The following MRC1 variants were observed in gnomAD, a reference collection of about 807,000 sequenced individuals.
MRC1 encodes the protein mannose receptor C-type 1.
In MRC1, 62 loss-of-function variants were observed where a neutral mutation model predicts 102.9. That is an observed-to-expected ratio of 0.60 (90% confidence interval 0.49 to 0.74). The LOEUF (loss-of-function observed/expected upper bound fraction) is 0.74, where lower values mean the gene tolerates loss of function less well. Ranked by LOEUF, MRC1 falls within the 30% of genes least tolerant of loss-of-function variation. The pLI is 0.00. For missense variants in MRC1, 1,237 were observed against 862.8 expected, an observed-to-expected ratio of 1.43 and a Z score of -5.43; for synonymous variants, 457 against 298.4, an observed-to-expected ratio of 1.53 and a Z score of -5.48.
intron 28 of MRC1, 22 bp from the exon 29 acceptor site, chr10:17,909,284 A>ATT (rs546931770): frequency 9.1e-4 from 686 of 753,926 alleles, no homozygotes; most frequent in Middle Eastern, 1.2e-3. Flanking sequence ...GTTTTTATAA[A>ATT]TTTTTTTTTT....
In MRC1 at chr10:17,887,832, C is replaced by T. The variant is rs529447574; in HGVS notation, c.3147+2397C>T. 9.1e-3 allele frequency among the ~76,000 whole-genome samples: 1,379 copies of T among 152,222 alleles called. 25 individuals carry two copies. Among genetic ancestry groups the T allele is most frequent in the African/African-American group, 0.032 (1,333 of 41,522 alleles). On this transcript the variant is annotated intron_variant, in intron 22 of 29. Transcript: ENST00000569591. ...TTATTTTATTTTTTTGAGATGGAGTCTCACACTGTCGCCCGGCTGGTGTGC... is the reference window on the plus strand; with the variant it reads ...TTATTTTATTTTTTTGAGATGGAGTTTCACACTGTCGCCCGGCTGGTGTGC...
At chr10:17,857,827 C>A (rs1480767976) in intron 9 of MRC1, among the ~76,000 whole-genome samples, 5 of 152,282 alleles carry the variant, frequency 3.3e-5, no homozygotes, top group Non-Finnish European at 7.4e-5. Context: ...TGTTGTTGCA[C>A]AGACCTGGGA....
intron 11 of MRC1, among the ~76,000 whole-genome samples, chr10:17,865,036 G>A (rs1478339667): frequency 5.9e-5 from 9 of 152,156 alleles, no homozygotes; most frequent in African/African-American, 1.7e-4. Flanking sequence ...GTCTCGGAAA[G>A]ATTCTTTGAC....
chr10:17,834,329 C>T (rs1838628046), intron 4 of MRC1, among the ~76,000 whole-genome samples: 3 of 152,178 alleles, frequency 2.0e-5, no homozygotes, highest in African/African-American at 7.2e-5. Context: ...TCCCTCGAAC[C>T]CCCAGGCTCT....
chr10:17,835,185 G>A (rs1485097795), intron 4 of MRC1, among the ~76,000 whole-genome samples: 2 of 152,104 alleles, frequency 1.3e-5, no homozygotes, highest in Non-Finnish European at 2.9e-5. Context: ...GAATTCTCAC[G>A]ATTGTGTACA....
chr10:17,832,647 A>T (rs1006929156), intron 3 of MRC1, among the ~76,000 whole-genome samples: 3 of 145,492 alleles, frequency 2.1e-5, no homozygotes, highest in Admixed American at 1.4e-4. Flanking sequence ...GAGTGCAGTG[A>T]CGCGATCTCG....
intron 7 of MRC1, among the ~76,000 whole-genome samples, chr10:17,850,556 C>T (rs1217106963): frequency 6.6e-6 from 1 of 152,090 alleles, no homozygotes; most frequent in African/African-American, 2.4e-5. Flanking sequence ...GAATGCTTGT[C>T]CCGAAGATGA....
At chr10:17,874,589 G>A (rs1416578096) in intron 16 of MRC1, among the ~76,000 whole-genome samples, 1 of 152,136 alleles carries the variant, frequency 6.6e-6, no homozygotes, top group Non-Finnish European at 1.5e-5. Flanking sequence ...ACTGTAGCAC[G>A]GAAGTATGGA....
intron 2 of MRC1, 110 bp from the exon 3 acceptor site, chr10:17,827,414 ATCCCTCTGTGGGTGCATC>A: frequency 5.0e-6 from 2 of 398,350 alleles, no homozygotes; most frequent in Non-Finnish European, 9.5e-6. Flanking sequence ...AAAAAAAGAA[ATCCCTCTGTGGGTGCATC>A]AAGTGTAATC....
chr10:17,871,893 A>G, intron 14 of MRC1, 89 bp from the exon 15 acceptor site: 1 of 730,010 alleles, frequency 1.4e-6, no homozygotes, highest in Non-Finnish European at 2.5e-6. Context: ...AAACAATGCA[A>G]ACATATCTTT....
At chr10:17,859,013 CT>C (rs1316483125) in intron 9 of MRC1, among the ~76,000 whole-genome samples, 1 of 152,200 alleles carries the variant, frequency 6.6e-6, no homozygotes, top group African/African-American at 2.4e-5. Flanking sequence ...CCTATGCTAT[CT>C]TTTCTGTCTT....
chr10:17,830,022 A>G (rs1379762714), intron 3 of MRC1, among the ~76,000 whole-genome samples: 1 of 151,626 alleles, frequency 6.6e-6, no homozygotes, highest in Non-Finnish European at 1.5e-5. Flanking sequence ...TTCAATATGC[A>G]TTAAAATTTT....
rs1838187475 is a variant in MRC1 at position 17,809,348 on chromosome 10, C to A, written c.-118C>A. ...GGAGGGCTTCCTCTGTAGTTCTTTT[C>A]AGCTGGGCAGCTCTGGGAACTTGGA... is the stretch of plus-strand genomic sequence containing the variant. On this transcript the variant is annotated 5_prime_UTR_variant, in exon 1 of 30. Coordinates refer to ENST00000569591, the MANE Select transcript of MRC1 (RefSeq NM_002438.4). The A allele has an allele frequency of 2.5e-6, 2 of 790,818 alleles. No homozygotes were observed. The highest frequency in any genetic ancestry group is 4.6e-6 in the Non-Finnish European group (2 of 431,394). 49.0% of individuals were successfully genotyped at this position (790,818 alleles called of 1,614,324 possible).
intron 15 of MRC1, 98 bp downstream of exon 15, chr10:17,872,224 A>T (rs1158878579): frequency 5.2e-6 from 4 of 775,646 alleles, no homozygotes; most frequent in Non-Finnish European, 9.6e-6. Context: ...CAAACAAAAT[A>T]ACAAAATCAG....
chr10:17,833,247 A>C (rs1462700895), intron 3 of MRC1, among the ~76,000 whole-genome samples: 1 of 152,124 alleles, frequency 6.6e-6, no homozygotes, highest in African/African-American at 2.4e-5. Flanking sequence ...CAGTCCGGGC[A>C]TAGTAGCTCA....
chr10:17,886,950 T>G (rs1833606042), intron 22 of MRC1, among the ~76,000 whole-genome samples: 2 of 148,066 alleles, frequency 1.4e-5, no homozygotes, highest in South Asian at 4.3e-4. Flanking sequence ...GTCTGAACTT[T>G]GTCGAATAAG....
chr10:17,851,438 A>G (rs1323169684), intron 7 of MRC1, among the ~76,000 whole-genome samples: 10 of 152,190 alleles, frequency 6.6e-5, no homozygotes, highest in African/African-American at 2.4e-4. Context: ...GTATATTTCA[A>G]GTGGACACAT....
chr10:17,828,999 C>A (rs890703085), intron 3 of MRC1, among the ~76,000 whole-genome samples: 2,279 of 151,510 alleles, frequency 0.015, 31 homozygotes, highest in Non-Finnish European at 0.023. Flanking sequence ...TGGCTCCACC[C>A]TTCCCAAACT....
chr10:17,810,468 A>G (rs1838205437), intron 1 of MRC1, among the ~76,000 whole-genome samples: 1 of 152,196 alleles, frequency 6.6e-6, no homozygotes, highest in African/African-American at 2.4e-5. Context: ...AGTACCGCAA[A>G]TGTTAAATCA....
Sources: gnomAD v4.1 joint callset for allele counts (sites outside exome capture counted in the v4.1 genomes callset) on GRCh38, gnomAD v4.1.1 for gene constraint, MANE v1.5 for transcripts, NCBI Gene and HGNC (gene_info 2026-07-23, HGNC 2026-07-21) for gene names.